UQCRFS1: variants seen among roughly 807,000 people sequenced by gnomAD.
The protein encoded by UQCRFS1 is ubiquinol-cytochrome c reductase, Rieske iron-sulfur polypeptide 1.
A neutral mutation model predicts 15.6 loss-of-function variants in UQCRFS1; 6 were observed. The ratio of observed to expected loss-of-function variants is 0.38; its 90% CI spans 0.21 to 0.76. The LOEUF is 0.76. Among genes scored for constraint, UQCRFS1 ranks in the 30% least tolerant of loss-of-function variants. The pLI, the probability that UQCRFS1 is intolerant of heterozygous loss-of-function variation, is 0.44. For missense variants in UQCRFS1, 203 were observed against 366.7 expected, an observed-to-expected ratio of 0.55 and a Z score of 3.65; for synonymous variants, 105 against 154.3, an observed-to-expected ratio of 0.68 and a Z score of 2.37.
intron 1 of UQCRFS1, 86 bp downstream of exon 1, chr19:29,212,819 G>A (rs1050262696): frequency 3.9e-5 from 50 of 1,296,844 alleles, no homozygotes; most frequent in Non-Finnish European, 4.7e-5. Flanking sequence ...CTCCGCTCGC[G>A]CGCCCGCGGC....
chr19:29,212,049 A>C lies in UQCRFS1; in HGVS notation c.214+856T>G, dbSNP rs887702438. ...GCCATTAGTCTTCCCAGTTTTTTTG[A>C]AAACTACACAGCCTGCAGACACACT... On this transcript the variant is annotated intron_variant, in intron 1 of 1. Transcript: ENST00000304863. Among the ~76,000 whole-genome samples the C allele has an allele frequency of 3.3e-5, 5 of 152,158 alleles. 1 individual carries two copies.
At chr19:29,212,736 C>A (rs903777292) in intron 1 of UQCRFS1, among the ~76,000 whole-genome samples, 169 bp downstream of exon 1, 3 of 152,184 alleles carry the variant, frequency 2.0e-5, no homozygotes, top group Non-Finnish European at 2.9e-5. Context: ...CCAGGCCGGC[C>A]ACCAGAAAGA....
In UQCRFS1 at chr19:29,206,783, T is replaced by C. The variant is rs1235820564; in HGVS notation, c.*765A>G. 1 of 152,212 alleles carries C rather than the reference T, an allele frequency of 6.6e-6. No homozygotes were observed. Among genetic ancestry groups the C allele is most frequent in the East Asian group, 1.9e-4 (1 of 5,198 alleles). The allele number at this position is 152,212 out of a possible 1,614,324, so 9.4% of individuals were successfully genotyped here. On this transcript the variant is annotated 3_prime_UTR_variant, in exon 2 of 2. Transcript: ENST00000304863. ...CCTGATAGAGTGGATGCAGGAACTT[T>C]GGGGACATGATGAACCACACACAAA...
In UQCRFS1 at chr19:29,205,466, A is replaced by G. The variant is rs1214847014; in HGVS notation, c.*2082T>C. ...GCCCTCTATACACTCAGATTGAGTC[A>G]AAGTTTTTACAAAGGTATGCTCAGA... On this transcript the variant is annotated 3_prime_UTR_variant, in exon 2 of 2. Coordinates refer to ENST00000304863, the MANE Select transcript of UQCRFS1 (RefSeq NM_006003.3). 2.0e-5 allele frequency: 3 copies of G among 152,214 alleles called. No homozygotes were observed. The highest frequency in any genetic ancestry group is 4.4e-5 in the Non-Finnish European group (3 of 68,032). 9.4% of individuals were successfully genotyped at this position (152,214 alleles called of 1,614,324 possible). A position where few individuals can be genotyped will look rare whatever the true frequency, so the allele number is the denominator to read the frequency against.
intron 1 of UQCRFS1, among the ~76,000 whole-genome samples, chr19:29,212,384 G>GTGT (rs573922245): frequency 8.2e-5 from 12 of 145,638 alleles, no homozygotes; most frequent in Admixed American, 6.1e-4. Context: ...TGTTTTTTTT[G>GTGT]TTTTTTTTTT....
chr19:29,209,472 A>G (rs113831590), intron 1 of UQCRFS1, among the ~76,000 whole-genome samples: 3 of 152,162 alleles, frequency 2.0e-5, no homozygotes, highest in African/African-American at 7.2e-5. Flanking sequence ...CTCAAGGTCA[A>G]TAACTTTATG....
At position 29,206,206 on chromosome 19, in the gene UQCRFS1, T is replaced by A. The variant is rs531394077; in HGVS notation, c.*1342A>T. ...ACACAGAATATAAAATACTTCTGTGTCCCACCAATTATCACACATGCTAAT... is the reference window on the plus strand; with the variant it reads ...ACACAGAATATAAAATACTTCTGTGACCCACCAATTATCACACATGCTAAT... On this transcript the variant is annotated 3_prime_UTR_variant, in exon 2 of 2. Coordinates refer to ENST00000304863, the MANE Select transcript of UQCRFS1 (RefSeq NM_006003.3). 3 of 129,138 alleles carry A rather than the reference T, an allele frequency of 2.3e-5. No homozygotes were observed. In the East Asian group the frequency reaches 6.9e-4, roughly 30 times the overall value. 8.0% of individuals were successfully genotyped at this position (129,138 alleles called of 1,614,324 possible).
In UQCRFS1 at chr19:29,208,015, C is replaced by G; in HGVS notation, c.358G>C (p.Val120Leu). The change falls in exon 2 of 2, where the codon GTA becomes CTA. Residue 120 changes from valine (V) to leucine (L), a missense_variant. Physicochemically the swap from Val to Leu is conservative, Grantham distance 32. Around this residue, in one of 3 missense-constraint regions of UQCRFS1, gnomAD observed 92 missense variants for 120.5 expected, o/e 0.76. Transcript: ENST00000304863. Reference protein sequence around the residue: ...RKGFSYLVTGVTTVGVAYAAK... With the variant: ...RKGFSYLVTGLTTVGVAYAAK... ...GCATATGCGACACCCACAGTAGTTA[C>G]TCCAGTTACCAAATAGGAGAAACCT... 1 of 1,614,034 alleles carries G rather than the reference C, an allele frequency of 6.2e-7. No individual in the cohort carries two copies. The highest frequency in any genetic ancestry group is 8.5e-7 in the Non-Finnish European group (1 of 1,179,874).
rs1267177927 is a variant in UQCRFS1, at chr19:29,205,962, C to T, written c.*1586G>A. On this transcript the variant is annotated 3_prime_UTR_variant, in exon 2 of 2. Coordinates refer to ENST00000304863, the MANE Select transcript of UQCRFS1 (RefSeq NM_006003.3). ...CTGCAAACTTCCTACTTCTGTCCTCCACTGCCATGTAGAATTTCAAGGTAT... is the reference window on the plus strand; with the variant it reads ...CTGCAAACTTCCTACTTCTGTCCTCTACTGCCATGTAGAATTTCAAGGTAT... The T allele has an allele frequency of 6.6e-6, 1 of 152,186 alleles. No individual in the cohort carries two copies. Among genetic ancestry groups the T allele is most frequent in the East Asian group, 1.9e-4 (1 of 5,200 alleles). 9.4% of individuals were successfully genotyped at this position (152,186 alleles called of 1,614,324 possible). A position where few individuals can be genotyped will look rare whatever the true frequency, so the allele number is the denominator to read the frequency against.
rs1976675504 is a variant in UQCRFS1, at chr19:29,212,931, G to C, written c.188C>G (p.Pro63Arg). The C allele has an allele frequency of 7.1e-7, 1 of 1,415,540 alleles. No homozygotes were observed. The highest frequency in any genetic ancestry group is 9.1e-7 in the Non-Finnish European group (1 of 1,097,242). The allele number at this position is 1,415,540 out of a possible 1,614,324, so 87.7% of individuals were successfully genotyped here. The stretch of plus-strand genomic sequence containing the variant: ...ATTGAGGCCCACGGAGGCGACCAAA[G>C]GCCGGCGCACGGCCTGGCCGCTCAG... ...ESLSGQAVRR[P>R]LVASVGLNVP... Residue 63 changes from proline (P) to arginine (R), a missense_variant, in exon 1 of 2, where the codon CCT (proline) becomes CGT (arginine). Physicochemically the swap from Pro to Arg is moderately radical, Grantham distance 103. Around this residue, in one of 3 missense-constraint regions of UQCRFS1, gnomAD observed 92 missense variants for 120.5 expected, o/e 0.76. Coordinates refer to ENST00000304863, the MANE Select transcript of UQCRFS1 (RefSeq NM_006003.3).
Position 29,207,136 on chromosome 19 carries a change from C to A in UQCRFS1, c.*412G>T, listed in dbSNP as rs552931979. ...CTAGATACTACTGTTTCTGTCAATG[C>A]CATAGACACTTAGATGACCCGTTAA... is the stretch of plus-strand genomic sequence containing the variant. On this transcript the variant is annotated 3_prime_UTR_variant, in exon 2 of 2. Coordinates refer to ENST00000304863, the MANE Select transcript of UQCRFS1 (RefSeq NM_006003.3). The A allele has an allele frequency of 1.5e-4, 27 of 175,086 alleles. No individual in the cohort carries two copies. The highest frequency in any genetic ancestry group is 6.0e-4 in the African/African-American group (25 of 41,772). The allele number at this position is 175,086 out of a possible 1,614,324, so 10.8% of individuals were successfully genotyped here.
chr19:29,211,496 C>T (rs57830483), intron 1 of UQCRFS1, among the ~76,000 whole-genome samples: 65 of 152,316 alleles, frequency 4.3e-4, no homozygotes, highest in African/African-American at 1.5e-3. Context: ...AATATTCATT[C>T]ACAAATACTT....
rs1976583674 is a variant in UQCRFS1 at position 29,205,403 on chromosome 19, A to C, written c.*2145T>G. The C allele has an allele frequency of 6.6e-6, 1 of 152,214 alleles. No individual in the cohort carries two copies. Among genetic ancestry groups the C allele is most frequent in the South Asian group, 2.1e-4 (1 of 4,824 alleles). 9.4% of individuals were successfully genotyped at this position (152,214 alleles called of 1,614,324 possible). On this transcript the variant is annotated 3_prime_UTR_variant, in exon 2 of 2. Transcript: ENST00000304863. ...TATGTTCCTACAGTTTAGAAAAATG[A>C]GGGTACTAAAGCACATTTTGATCCA... is the stretch of plus-strand genomic sequence containing the variant.
chr19:29,210,356 A>C (rs1446319884), intron 1 of UQCRFS1, among the ~76,000 whole-genome samples: 4 of 42,952 alleles, frequency 9.3e-5, no homozygotes, highest in Non-Finnish European at 2.1e-4. Flanking sequence ...AGTCAGGTAA[A>C]CCTCCAATTT....
chr19:29,208,197 G>C lies in UQCRFS1; in HGVS notation c.215-39C>G, dbSNP rs780288935. ...AGAAGGTTAAAAAACACAATTAGAT[G>C]AGTATCCCGAAGGGAGTATATATCA... On this transcript the variant is annotated intron_variant, in intron 1 of 1. Transcript: ENST00000304863. 4.2e-5 allele frequency: 66 copies of C among 1,566,540 alleles called. No individual in the cohort carries two copies. In the East Asian group the frequency reaches 9.4e-4, roughly 22 times the overall value.
Position 29,212,909 on chromosome 19 carries a change from G to A in UQCRFS1, c.210C>T (p.Leu70=). 2 of 1,421,602 alleles carry A rather than the reference G, an allele frequency of 1.4e-6. No individual in the cohort carries two copies. The highest frequency in any genetic ancestry group is 3.3e-5 in the Admixed American group (1 of 30,502). 88.1% of individuals were successfully genotyped at this position (1,421,602 alleles called of 1,614,324 possible). A position where few individuals can be genotyped will look rare whatever the true frequency, so the allele number is the denominator to read the frequency against. The change falls in exon 1 of 2, where the codon CTC becomes CTT. Residue 70 remains leucine, a synonymous_variant. Coordinates refer to ENST00000304863, the MANE Select transcript of UQCRFS1 (RefSeq NM_006003.3). ...GCGGCCCTCGCCCCGGCTCACCATT[G>A]AGGCCCACGGAGGCGACCAAAGGCC... ...VRRPLVASVG[L]NVPASVCYSH...
chr19:29,213,000 T>C lies in UQCRFS1; in HGVS notation c.119A>G (p.Gln40Arg). 7.1e-7 allele frequency: 1 copy of C among 1,409,494 alleles called. No homozygotes were observed. The highest frequency in any genetic ancestry group is 9.1e-7 in the Non-Finnish European group (1 of 1,095,702). The allele number at this position is 1,409,494 out of a possible 1,614,324, so 87.3% of individuals were successfully genotyped here. A position where few individuals can be genotyped will look rare whatever the true frequency, so the allele number is the denominator to read the frequency against. The part of the protein sequence containing the change: ...VQATVPATPE[Q>R]PVLDLKRPFL... The stretch of plus-strand genomic sequence containing the variant: ...GGGCCGCTTCAGGTCCAACACAGGC[T>C]GCTCCGGGGTGGCGGGCACCGTGGC... The change falls in exon 1 of 2, where the codon CAG becomes CGG. Residue 40 changes from glutamine to arginine, a missense_variant. Physicochemically the swap from Gln to Arg is conservative, Grantham distance 43 (BLOSUM62 1). Around this residue, in one of 3 missense-constraint regions of UQCRFS1, gnomAD observed 92 missense variants for 120.5 expected, o/e 0.76. Coordinates refer to ENST00000304863, the MANE Select transcript of UQCRFS1 (RefSeq NM_006003.3).
At chr19:29,212,852 G>A in intron 1 of UQCRFS1, 53 bp downstream of exon 1, 3 of 1,364,996 alleles carry the variant, frequency 2.2e-6, no homozygotes, top group Non-Finnish European at 2.8e-6. Context: ...GGGGCCGGAG[G>A]AGCGGGCACC....
intron 1 of UQCRFS1, among the ~76,000 whole-genome samples, chr19:29,211,292 C>T (rs1209832492): frequency 2.0e-5 from 3 of 152,176 alleles, no homozygotes; most frequent in Admixed American, 6.5e-5. Context: ...CTCAGCATCA[C>T]TGGCCATCAG....
Sources: gnomAD v4.1 joint callset for allele counts (sites outside exome capture counted in the v4.1 genomes callset) on GRCh38, gnomAD v4.1.1 for gene constraint, gnomAD v4.1.1 regional missense constraint, MANE v1.5 for transcripts, NCBI Gene and HGNC (gene_info 2026-07-23, HGNC 2026-07-21) for gene names.